IFT80: variants seen among roughly 807,000 people sequenced by gnomAD.
The protein encoded by IFT80 is intraflagellar transport protein 80 homolog.
Under a neutral mutation model 107.9 loss-of-function variants are expected in IFT80, and 79 were observed. The observed-to-expected ratio is 0.73, with a 90% CI of 0.61 to 0.88. The LOEUF (loss-of-function observed/expected upper bound fraction) is 0.88. Ranked by LOEUF, IFT80 falls within the 40% of genes least tolerant of loss-of-function variation. The pLI, the probability that IFT80 is intolerant of heterozygous loss-of-function variation, is 0.00. For synonymous variants in IFT80, 299 were observed against 300.9 expected, an observed-to-expected ratio of 0.99 and a Z score of 0.07; for missense variants, 797 against 914.2, an observed-to-expected ratio of 0.87 and a Z score of 1.65.
chr3:160,317,856 A>C (rs1217800836), intron 9 of IFT80, among the ~76,000 whole-genome samples: 1 of 152,074 alleles, frequency 6.6e-6, no homozygotes, highest in African/African-American at 2.4e-5. Context: ...AGAGACTTAA[A>C]AGATACATCA....
At chr3:160,274,095 G>A (rs1398772445) in intron 18 of IFT80, among the ~76,000 whole-genome samples, 2 of 152,150 alleles carry the variant, frequency 1.3e-5, no homozygotes, top group East Asian at 3.9e-4. Context: ...AAGGATAGCA[G>A]GGAAAGTTTG....
intron 6 of IFT80, among the ~76,000 whole-genome samples, chr3:160,361,908 C>T (rs1051542610): frequency 2.0e-5 from 3 of 152,078 alleles, no homozygotes; most frequent in Non-Finnish European, 2.9e-5. Flanking sequence ...GCACTAAATG[C>T]CCACAAGAGA....
intron 1 of IFT80, among the ~76,000 whole-genome samples, chr3:160,396,188 G>A (rs1713763498): frequency 6.6e-6 from 1 of 151,888 alleles, no homozygotes; most frequent in Non-Finnish European, 1.5e-5. Context: ...AGCTTCCTGG[G>A]TTTTCGGTGA....
chr3:160,291,896 C>T (rs1715588458), intron 12 of IFT80, among the ~76,000 whole-genome samples: 1 of 152,126 alleles, frequency 6.6e-6, no homozygotes, highest in African/African-American at 2.4e-5. Context: ...GAGGTGGCCC[C>T]CTGGGTATAT....
At chr3:160,265,377 A>T (rs1452795789) in intron 19 of IFT80, among the ~76,000 whole-genome samples, 1 of 152,166 alleles carries the variant, frequency 6.6e-6, no homozygotes, top group Non-Finnish European at 1.5e-5. Context: ...GATCTTCAAA[A>T]TTTTAAACTT....
intron 6 of IFT80, among the ~76,000 whole-genome samples, chr3:160,360,480 C>A (rs1336965526): frequency 6.6e-6 from 1 of 152,124 alleles, no homozygotes; most frequent in African/African-American, 2.4e-5. Context: ...GGCAGGCCAA[C>A]ATTAAAATTC....
At chr3:160,320,051 C>T in intron 8 of IFT80, 112 bp from the exon 9 acceptor site, 4 of 734,692 alleles carry the variant, frequency 5.4e-6, no homozygotes, top group Non-Finnish European at 6.8e-6. Flanking sequence ...AATGTCTATT[C>T]TGGAATTATT....
intron 8 of IFT80, among the ~76,000 whole-genome samples, chr3:160,339,233 C>T (rs1327013497): frequency 6.6e-6 from 1 of 152,170 alleles, no homozygotes; most frequent in South Asian, 2.1e-4. Flanking sequence ...CTTTCCCCCT[C>T]AAGCTATTTT....
In IFT80 at chr3:160,272,468, T is replaced by A. The variant is rs1713888793; in HGVS notation, c.2100-3932A>T. On this transcript the variant is annotated intron_variant, in intron 18 of 19. Transcript: ENST00000326448. ...GATCATTGTCGAAGTGAATGATGGG[T>A]ACATTCAGACTATTCTCTCTACTTT... Among the ~76,000 whole-genome samples, 3 of 152,158 alleles carry A rather than the reference T, an allele frequency of 2.0e-5. No homozygotes were observed. In the South Asian group the frequency reaches 6.2e-4, roughly 31 times the overall value.
chr3:160,362,008 G>A (rs1721525730), intron 6 of IFT80, among the ~76,000 whole-genome samples: 1 of 152,002 alleles, frequency 6.6e-6, no homozygotes, highest in Non-Finnish European at 1.5e-5. Context: ...CTAACAGAAG[G>A]CAAGAAATAA....
chr3:160,261,441 A>G (rs1712821318), intron 19 of IFT80, among the ~76,000 whole-genome samples: 1 of 149,794 alleles, frequency 6.7e-6, no homozygotes, highest in African/African-American at 2.5e-5. Context: ...CAGATAATAA[A>G]CAAAACAAAA....
At chr3:160,283,170 A>G (rs562996968) in intron 13 of IFT80, among the ~76,000 whole-genome samples, 1 of 152,302 alleles carries the variant, frequency 6.6e-6, no homozygotes, top group Non-Finnish European at 1.5e-5. Context: ...TCACTAAGTG[A>G]TTTTGCTCAG....
chr3:160,376,217 T>C (rs1281887333), intron 4 of IFT80, among the ~76,000 whole-genome samples: 1 of 152,214 alleles, frequency 6.6e-6, no homozygotes, highest in Non-Finnish European at 1.5e-5. Context: ...ATCTTAGAAT[T>C]CTAAGAAAAG....
intron 8 of IFT80, chr3:160,343,554 A>C (rs964341177): frequency 6.6e-6 from 1 of 152,612 alleles, no homozygotes; most frequent in Non-Finnish European, 1.5e-5. Flanking sequence ...AAAGGTAAAA[A>C]TAAAATTTAT....
chr3:160,292,196 A>C (rs1024707719), intron 12 of IFT80, among the ~76,000 whole-genome samples: 3 of 152,186 alleles, frequency 2.0e-5, no homozygotes, highest in African/African-American at 7.2e-5. Flanking sequence ...TACTGAGGGA[A>C]CTATAAAAGA....
rs766012355 is a variant in IFT80, at chr3:160,307,649, T to C, written c.1076+14A>G. The C allele has an allele frequency of 1.5e-6, 2 of 1,292,978 alleles. No homozygotes were observed. Among genetic ancestry groups the C allele is most frequent in the African/African-American group, 1.5e-5 (1 of 68,638 alleles). The allele number at this position is 1,292,978 out of a possible 1,614,324, so 80.1% of individuals were successfully genotyped here. On this transcript the variant is annotated intron_variant, in intron 10 of 19. Transcript: ENST00000326448. Reference sequence around the variant, plus strand: ...GACAAAACTCTGAAATTTTAAGAAATGCAAGATGCTTACGAGAACACGTAA... The same window carrying C: ...GACAAAACTCTGAAATTTTAAGAAACGCAAGATGCTTACGAGAACACGTAA...
Position 160,375,890 on chromosome 3 carries a change from G to T in IFT80, c.371-10C>A, listed in dbSNP as rs188321058. The T allele has an allele frequency of 5.5e-3, 8,534 of 1,558,710 alleles. 35 individuals carry two copies. Among genetic ancestry groups the T allele is most frequent in the Non-Finnish European group, 6.4e-3 (7,242 of 1,136,116 alleles). The stretch of plus-strand genomic sequence containing the variant: ...TGTCCATCTTCTCCAACTATACAGG[G>T]AAAAAAAAATTAATCAGTATTTTTA... On this transcript the variant is annotated splice_polypyrimidine_tract_variant and intron_variant, in intron 4 of 19. Transcript: ENST00000326448.
intron 14 of IFT80, 113 bp from the exon 15 acceptor site, chr3:160,280,927 T>C: frequency 1.1e-6 from 1 of 889,516 alleles, no homozygotes; most frequent in African/African-American, 1.7e-5. Flanking sequence ...TAGATATGAC[T>C]CTACTTTCTG....
chr3:160,350,127 T>C (rs1576849981), intron 8 of IFT80, among the ~76,000 whole-genome samples: 1 of 151,990 alleles, frequency 6.6e-6, no homozygotes, highest in Non-Finnish European at 1.5e-5. Flanking sequence ...AAAAAAGATA[T>C]GCAGAGGCCG....
Sources: gnomAD v4.1 joint callset for allele counts (sites outside exome capture counted in the v4.1 genomes callset) on GRCh38, gnomAD v4.1.1 for gene constraint, MANE v1.5 for transcripts, NCBI Gene and HGNC (gene_info 2026-07-23, HGNC 2026-07-21) for gene names.